The following CHIC1 variants were observed in gnomAD, a reference collection of about 807,000 sequenced individuals.
CHIC1 encodes cysteine rich hydrophobic domain 1, also known as cysteine-rich hydrophobic domain-containing protein 1.
CHIC1 carries 7 observed loss-of-function variants against 18.5 expected under a neutral mutation model. The observed-to-expected ratio is 0.38, with a 90% CI of 0.22 to 0.71. CHIC1 has a LOEUF of 0.71. Ranked by LOEUF, CHIC1 falls within the 30% of genes least tolerant of loss-of-function variation. The pLI is 0.49. For synonymous variants in CHIC1, 77 were observed against 73.5 expected (o/e 1.05, Z -0.25); for missense variants, 159 against 176.9 (o/e 0.90, Z 0.57).
rs748012410 is a variant in CHIC1, at chrX:73,563,505, G to C, written c.221G>C (p.Arg74Pro). 5.2e-6 allele frequency: 6 copies of C among 1,162,113 alleles called. No individual in the cohort carries two copies. Among genetic ancestry groups the C allele is most frequent in the Non-Finnish European group, 6.9e-6 (6 of 871,249 alleles). ...GAGGAGGAAGCGCCGCCCCCGCCTC[G>C]GGTAGTGAGCGAGGAGCATCTGCGG... ...EEEEEAPPPP[R>P]VVSEEHLRRY... is the part of the protein sequence containing the mutation. The change falls in exon 1 of 6, where the codon CGG becomes CCG. Residue 74 changes from arginine to proline, a missense_variant. By Grantham distance (103) the Arg-to-Pro change is moderately radical. Transcript: ENST00000373502.
At chrX:73,607,009 A>G (rs983677074) in intron 3 of CHIC1, among the ~76,000 whole-genome samples, 1 of 108,941 alleles carries the variant, frequency 9.2e-6, no homozygotes, top group African/African-American at 3.6e-5. Context: ...CTTGAGCACT[A>G]TGCTGGGAGA....
At chrX:73,644,619 C>T (rs1392821505) in intron 3 of CHIC1, among the ~76,000 whole-genome samples, 3 of 112,415 alleles carry the variant, frequency 2.7e-5, no homozygotes, top group African/African-American at 9.7e-5. Flanking sequence ...TGCCGCCTTG[C>T]ATTTTGATCT....
intron 2 of CHIC1, among the ~76,000 whole-genome samples, chrX:73,583,995 C>A (rs747941296): frequency 9.0e-6 from 1 of 110,749 alleles, no homozygotes; most frequent in African/African-American, 3.3e-5. Flanking sequence ...TTGCCAAGGT[C>A]TAATTTTAAT....
chrX:73,640,936 T>C (rs1190421035), intron 3 of CHIC1, among the ~76,000 whole-genome samples: 2 of 111,390 alleles, frequency 1.8e-5, no homozygotes, highest in Admixed American at 1.9e-4. Flanking sequence ...GTGGTTTAGG[T>C]TGTTAATTTG....
At chrX:73,623,780 G>A (rs866326776) in intron 3 of CHIC1, among the ~76,000 whole-genome samples, 1 of 111,511 alleles carries the variant, frequency 9.0e-6, no homozygotes, top group African/African-American at 3.2e-5. Context: ...ATTTCCCAAA[G>A]ATTACCTAAG....
chrX:73,650,612 C>T (rs1258665661), intron 3 of CHIC1, among the ~76,000 whole-genome samples: 1 of 108,819 alleles, frequency 9.2e-6, no homozygotes, highest in Non-Finnish European at 1.9e-5. Context: ...CACATACACC[C>T]TCCCAAGACT....
intron 3 of CHIC1, among the ~76,000 whole-genome samples, chrX:73,587,355 A>G (rs1277676000): frequency 8.9e-6 from 1 of 111,773 alleles, no homozygotes; most frequent in Non-Finnish European, 1.9e-5. Flanking sequence ...TACATGATAC[A>G]TTAAGTGAGG....
At chrX:73,606,921 C>G (rs1181299891) in intron 3 of CHIC1, among the ~76,000 whole-genome samples, 1 of 108,978 alleles carries the variant, frequency 9.2e-6, no homozygotes, top group African/African-American at 3.6e-5. Context: ...CTCTTGACTA[C>G]TCCTGGGAGT....
At chrX:73,593,105 G>C (rs767161495) in intron 3 of CHIC1, among the ~76,000 whole-genome samples, 6 of 110,571 alleles carry the variant, frequency 5.4e-5, no homozygotes, top group Admixed American at 9.7e-5. Context: ...AATTTTCTTT[G>C]TTAATTTAGC....
intron 3 of CHIC1, among the ~76,000 whole-genome samples, chrX:73,604,365 T>C (rs1330133994): frequency 1.9e-5 from 2 of 106,885 alleles, no homozygotes. Context: ...ATCCCTTTTA[T>C]CATTTTTTAA....
intron 3 of CHIC1, among the ~76,000 whole-genome samples, chrX:73,615,226 A>G (rs2057726980): frequency 9.0e-6 from 1 of 111,310 alleles, no homozygotes; most frequent in Non-Finnish European, 1.9e-5. Context: ...TGACAACACT[A>G]TGTAAGCCTT....
rs899933690 is a variant in CHIC1, at chrX:73,657,875, A to G, written c.508-21451A>G. On this transcript the variant is annotated intron_variant, in intron 3 of 5. Coordinates refer to ENST00000373502, the MANE Select transcript of CHIC1 (RefSeq NM_001039840.4). ...CCTTTTTTTGTCTATTGAGATAATTATGTAGTTTTTTTCTTTACTTCTGTT... is the reference window on the plus strand; with the variant it reads ...CCTTTTTTTGTCTATTGAGATAATTGTGTAGTTTTTTTCTTTACTTCTGTT... Among the ~76,000 whole-genome samples, 3 of 111,704 alleles carry G rather than the reference A, an allele frequency of 2.7e-5. No individual in the cohort carries two copies. The South Asian group carries it at 1.1e-3, about 42-fold the overall frequency.
Position 73,633,618 on chromosome X carries a change from A to G in CHIC1, c.508-45708A>G, listed in dbSNP as rs774104859. ...TTTTCCATCATTATTTATTTAAATA[A>G]GCTTTCTGTTCTTTCTCTTTTTCTG... On this transcript the variant is annotated intron_variant, in intron 3 of 5. Coordinates refer to ENST00000373502, the MANE Select transcript of CHIC1 (RefSeq NM_001039840.4). 9.0e-5 allele frequency among the ~76,000 whole-genome samples: 10 copies of G among 111,388 alleles called. No homozygotes were observed. The East Asian group carries it at 2.6e-3, about 29-fold the overall frequency.
chrX:73,579,040 CT>C (rs1162269028), intron 2 of CHIC1, among the ~76,000 whole-genome samples: 1 of 110,115 alleles, frequency 9.1e-6, no homozygotes, highest in Non-Finnish European at 1.9e-5. Flanking sequence ...AGACCTATTT[CT>C]TTTTTCAAGG....
chrX:73,627,233 A>T (rs1345697984), intron 3 of CHIC1, among the ~76,000 whole-genome samples: 1 of 111,539 alleles, frequency 9.0e-6, no homozygotes, highest in African/African-American at 3.3e-5. Flanking sequence ...GGCCACCATC[A>T]CTATGACTGT....
chrX:73,591,329 C>G (rs2057580790), intron 3 of CHIC1, among the ~76,000 whole-genome samples: 1 of 110,149 alleles, frequency 9.1e-6, no homozygotes, highest in Non-Finnish European at 1.9e-5. Flanking sequence ...TTAGTGGCCT[C>G]CAAATTCCCT....
In CHIC1 at chrX:73,658,248, GTTTTTTTTTTTTTT is replaced by G. The variant is rs869309622; in HGVS notation, c.508-21060_508-21047del. On this transcript the variant is annotated intron_variant, in intron 3 of 5. Transcript: ENST00000373502. ...ATTCAGCTGTGAATCCTGGTCCTAG[GTTTTTTTTTTTTTT>G]TTTTTTTTTTTTTTTTTGGTTGGTA... 5.4e-4 allele frequency among the ~76,000 whole-genome samples: 9 copies of G among 16,715 alleles called. 1 individual carries two copies. The highest frequency in any genetic ancestry group is 0.015 in the South Asian group (1 of 65). 14.5% of individuals were successfully genotyped at this position (16,715 alleles called of 115,157 possible).
In CHIC1 at chrX:73,665,884, T is replaced by A. The variant is rs1425006944; in HGVS notation, c.508-13442T>A. 2.7e-5 allele frequency among the ~76,000 whole-genome samples: 3 copies of A among 111,123 alleles called. No homozygotes were observed. The East Asian group carries it at 8.6e-4, about 32-fold the overall frequency. On this transcript the variant is annotated intron_variant, in intron 3 of 5. Coordinates refer to ENST00000373502, the MANE Select transcript of CHIC1 (RefSeq NM_001039840.4). ...CCCTGACAAGCCAGTGCTGCAGGGA[T>A]TTATTTAGTACAGATTTAATGACAA...
chrX:73,627,249 G>A (rs191712236), intron 3 of CHIC1, among the ~76,000 whole-genome samples: 83 of 111,502 alleles, frequency 7.4e-4, no homozygotes, highest in African/African-American at 2.4e-3. Flanking sequence ...ACTGTGCTTC[G>A]TCAGACCTGA....
Sources: allele counts gnomAD v4.1 joint callset (sites outside exome capture counted in the v4.1 genomes callset), GRCh38; gene constraint gnomAD v4.1.1; transcripts MANE v1.5; gene names NCBI Gene and HGNC (gene_info 2026-07-23, HGNC 2026-07-21).